Variants in DNAAF9 observed in about 807,000 individuals in gnomAD.
The protein encoded by DNAAF9 is shulin.
A neutral mutation model predicts 167.0 loss-of-function variants in DNAAF9; 90 were observed. The observed-to-expected ratio is 0.54, with a 90% CI of 0.45 to 0.64. DNAAF9 has a LOEUF of 0.64. DNAAF9 is among the 30% of genes least tolerant of loss of function. The probability of loss-of-function intolerance (pLI) is 0.00; values close to 1 mark genes in which losing one functional copy is unlikely to be tolerated. For missense variants in DNAAF9, 1,315 were observed against 1,442.2 expected (o/e 0.91, Z 1.43); for synonymous variants, 491 against 508.8 (o/e 0.96, Z 0.47).
At chr20:3,353,814 C>T (rs2083248801) in intron 7 of DNAAF9, among the ~76,000 whole-genome samples, 2 of 152,002 alleles carry the variant, frequency 1.3e-5, no homozygotes, top group South Asian at 4.2e-4. Context: ...TCTCTGCTAA[C>T]TTGTAGGTGA....
chr20:3,352,885 TTA>T (rs59930160), intron 7 of DNAAF9, among the ~76,000 whole-genome samples: 24 of 148,884 alleles, frequency 1.6e-4, no homozygotes, highest in East Asian at 7.8e-4. Context: ...TATTTACATG[TTA>T]TATATATATG....
rs144186568 is a variant in DNAAF9, at chr20:3,282,794, T to C, written c.2487-1028A>G. On this transcript the variant is annotated intron_variant, in intron 27 of 36. Coordinates refer to ENST00000252032, the MANE Select transcript of DNAAF9 (RefSeq NM_001009984.3). ...TGCCTGGAATGTTCTTTTCCTCAGG[T>C]ATCTGCATGGGTGGTTCTCTCTCCC... is the stretch of plus-strand genomic sequence containing the variant. Among the ~76,000 whole-genome samples, 58 of 152,278 alleles carry C rather than the reference T, an allele frequency of 3.8e-4. 2 individuals are homozygous for C. In the East Asian group the frequency reaches 0.011, roughly 28 times the overall value.
At chr20:3,353,953 GC>G (rs2083251162) in intron 7 of DNAAF9, among the ~76,000 whole-genome samples, 1 of 152,152 alleles carries the variant, frequency 6.6e-6, no homozygotes, top group Non-Finnish European at 1.5e-5. Flanking sequence ...ATTAAGTGCT[GC>G]TTTTAGCTCC....
In DNAAF9 at chr20:3,315,956, G is replaced by T; in HGVS notation, c.1540-171C>A. The T allele has an allele frequency of 1.6e-6, 1 of 640,936 alleles. No individual in the cohort carries two copies. Among genetic ancestry groups the T allele is most frequent in the South Asian group, 1.8e-5 (1 of 54,384 alleles). 39.7% of individuals were successfully genotyped at this position (640,936 alleles called of 1,614,324 possible). The stretch of plus-strand genomic sequence containing the variant: ...CACCTGAGATGTCTGCTGGTCACCT[G>T]GGCTCAGAGCCCAAGGCCTTGGTGG... On this transcript the variant is annotated intron_variant, in intron 18 of 36. Coordinates refer to ENST00000252032, the MANE Select transcript of DNAAF9 (RefSeq NM_001009984.3). This position sits in a 1 kb window ranked among gnomAD's most constrained non-coding sequence, Gnocchi z 4.1.
chr20:3,335,757 C>A (rs868680884), intron 10 of DNAAF9, among the ~76,000 whole-genome samples: 431 of 97,832 alleles, frequency 4.4e-3, no homozygotes, highest in South Asian at 6.8e-3. Context: ...AACTCCGTCT[C>A]AAAAAAAAAA....
intron 20 of DNAAF9, chr20:3,306,849 C>T (rs957681439): frequency 1.0e-6 from 1 of 957,470 alleles, no homozygotes; most frequent in Middle Eastern, 5.3e-4. Context: ...AAACCACAAC[C>T]CCACCAACTC....
At chr20:3,372,383 C>A (rs2083522502) in intron 6 of DNAAF9, among the ~76,000 whole-genome samples, 1 of 152,158 alleles carries the variant, frequency 6.6e-6, no homozygotes, top group Non-Finnish European at 1.5e-5. Flanking sequence ...CAGAAAAGGG[C>A]AGGATGTGGA....
chr20:3,403,399 C>T (rs2084015291), intron 1 of DNAAF9, among the ~76,000 whole-genome samples: 1 of 151,600 alleles, frequency 6.6e-6, no homozygotes, highest in African/African-American at 2.4e-5. Context: ...TCTTATTTAC[C>T]TGAGAATACA....
intron 28 of DNAAF9, among the ~76,000 whole-genome samples, chr20:3,280,507 G>A (rs2068747508): frequency 6.6e-6 from 1 of 151,622 alleles, no homozygotes; most frequent in Non-Finnish European, 1.5e-5. Flanking sequence ...GGAGGTTGCA[G>A]TGAGCTGGGA....
At chr20:3,254,005 A>T (rs576571853) in intron 35 of DNAAF9, among the ~76,000 whole-genome samples, 186 bp from the exon 36 acceptor site, 1 of 152,276 alleles carries the variant, frequency 6.6e-6, no homozygotes, top group East Asian at 1.9e-4. Flanking sequence ...TCAGGTGAGG[A>T]GCTCTGGGAG....
At chr20:3,312,947 A>G (rs2069440021) in intron 20 of DNAAF9, among the ~76,000 whole-genome samples, 1 of 152,230 alleles carries the variant, frequency 6.6e-6, no homozygotes, top group African/African-American at 2.4e-5. Flanking sequence ...TATGACTAAT[A>G]AGCCTCCAGA....
chr20:3,380,276 G>GA (rs2083630565), intron 3 of DNAAF9, among the ~76,000 whole-genome samples: 1 of 152,136 alleles, frequency 6.6e-6, no homozygotes, highest in African/African-American at 2.4e-5. Flanking sequence ...AATTTGAATG[G>GA]AAAAAATTGT....
chr20:3,393,506 T>C (rs1425533719), intron 1 of DNAAF9, among the ~76,000 whole-genome samples: 3 of 152,248 alleles, frequency 2.0e-5, no homozygotes, highest in East Asian at 3.9e-4. Flanking sequence ...AATGACATCT[T>C]GTGTCAAACA....
intron 6 of DNAAF9, among the ~76,000 whole-genome samples, chr20:3,370,655 G>A (rs112269207): frequency 2.6e-5 from 4 of 152,166 alleles, no homozygotes; most frequent in Admixed American, 6.5e-5. Flanking sequence ...TGATCCACCC[G>A]CCTCAGCCTC....
chr20:3,315,203 C>T lies in DNAAF9; in HGVS notation c.1591-83G>A. ...AATATTCACAGAATCAAAAGTCCTG[C>T]CCAATTATGTCCGTCTACAAAAGCT... On this transcript the variant is annotated intron_variant, in intron 19 of 36. Coordinates refer to ENST00000252032, the MANE Select transcript of DNAAF9 (RefSeq NM_001009984.3). This position sits in a 1 kb window ranked among gnomAD's most constrained non-coding sequence, Gnocchi z 4.1. 1.2e-6 allele frequency: 1 copy of T among 864,134 alleles called. No individual in the cohort carries two copies. Among genetic ancestry groups the T allele is most frequent in the Non-Finnish European group, 2.0e-6 (1 of 509,838 alleles). The allele number at this position is 864,134 out of a possible 1,614,324, so 53.5% of individuals were successfully genotyped here.
chr20:3,342,962 C>T (rs1185221164), intron 9 of DNAAF9, among the ~76,000 whole-genome samples: 1 of 152,134 alleles, frequency 6.6e-6, no homozygotes, highest in African/African-American at 2.4e-5. Context: ...TCGGACTATG[C>T]ATATGTCACA....
intron 13 of DNAAF9, 27 bp downstream of exon 13, chr20:3,326,170 G>C (rs749160886): frequency 3.9e-5 from 55 of 1,421,274 alleles, no homozygotes; most frequent in Admixed American, 6.8e-5. Flanking sequence ...AATAATTACA[G>C]AAAGGGAAAC....
intron 14 of DNAAF9, among the ~76,000 whole-genome samples, chr20:3,323,338 G>A (rs911500993): frequency 1.4e-5 from 2 of 139,516 alleles, no homozygotes; most frequent in Non-Finnish European, 3.0e-5. Flanking sequence ...CTGGAGTGCA[G>A]TGGCGCAATC....
At chr20:3,350,468 T>G (rs546552312) in intron 7 of DNAAF9, among the ~76,000 whole-genome samples, 9 of 152,118 alleles carry the variant, frequency 5.9e-5, no homozygotes, top group African/African-American at 1.9e-4. Flanking sequence ...ATACACATAT[T>G]AGGAGGAGGG....
Sources: allele counts gnomAD v4.1 joint callset (sites outside exome capture counted in the v4.1 genomes callset), GRCh38; gene constraint gnomAD v4.1.1; non-coding constraint Gnocchi (gnomAD v3.1); transcripts MANE v1.5; gene names NCBI Gene and HGNC (gene_info 2026-07-23, HGNC 2026-07-21).